ZNF282: variants seen among roughly 807,000 people sequenced by gnomAD.
The protein encoded by ZNF282 is zinc finger protein 282, also known as HTLV-I U5 repressive element-binding protein 1.
Under a neutral mutation model 61.9 loss-of-function variants are expected in ZNF282, and 30 were observed. The ratio of observed to expected loss-of-function variants is 0.48; its 90% CI spans 0.36 to 0.66. The LOEUF is 0.66. Among genes scored for constraint, ZNF282 ranks in the 30% least tolerant of loss-of-function variants. The pLI is 0.00. For synonymous variants in ZNF282, 396 were observed against 405.0 expected, an observed-to-expected ratio of 0.98 and a Z score of 0.27; for missense variants, 788 against 941.4, an observed-to-expected ratio of 0.84 and a Z score of 2.13.
chr7:149,199,417 A>T (rs1038547693), intron 2 of ZNF282, among the ~76,000 whole-genome samples: 1 of 150,452 alleles, frequency 6.6e-6, no homozygotes, highest in South Asian at 2.1e-4. Context: ...CCAGGAGGTC[A>T]CCCCCAGCGT....
rs536704960 is a variant in ZNF282 at position 149,197,673 on chromosome 7, A to G, written c.166-660A>G. Among the ~76,000 whole-genome samples the G allele has an allele frequency of 2.0e-5, 3 of 152,314 alleles. No individual in the cohort carries two copies. The East Asian group carries it at 5.8e-4, about 29-fold the overall frequency. On this transcript the variant is annotated intron_variant, in intron 1 of 7. Transcript: ENST00000610704. ...TTTTTAGTAGAGACAGGGTTTCGCC[A>G]TGTTGGCCAGGCTGGTCTTGAACTC...
intron 7 of ZNF282, among the ~76,000 whole-genome samples, chr7:149,222,238 T>G (rs577341096): frequency 2.5e-3 from 374 of 152,284 alleles, no homozygotes; most frequent in Non-Finnish European, 4.1e-3. Flanking sequence ...GGGTGGCCAC[T>G]GCCACGAGTG....
At chr7:149,207,953 G>A (rs761351939) in intron 4 of ZNF282, among the ~76,000 whole-genome samples, 9 of 152,222 alleles carry the variant, frequency 5.9e-5, no homozygotes, top group Non-Finnish European at 1.3e-4. Context: ...ACTCAAGAAG[G>A]AATCTTAAGC....
At position 149,224,151 on chromosome 7, in the gene ZNF282, G is replaced by T. The variant is rs767915527; in HGVS notation, c.1520G>T (p.Ser507Ile). Residue 507 changes from serine (S) to isoleucine (I), a missense_variant, in exon 8 of 8, where the codon AGC (serine) becomes ATC (isoleucine). Physicochemically the swap from Ser to Ile is moderately radical, Grantham distance 142. Around this residue, in one of 3 missense-constraint regions of ZNF282, gnomAD observed 559 missense variants for 642.0 expected, o/e 0.87. Coordinates refer to ENST00000610704, the MANE Select transcript of ZNF282 (RefSeq NM_003575.4). ...TGCTGCCCTGGCGGGCTGCGGCGGAGCCTCCTCCTGCACGGCGCCCGCAGC... is the reference window on the plus strand; with the variant it reads ...TGCTGCCCTGGCGGGCTGCGGCGGATCCTCCTCCTGCACGGCGCCCGCAGC... ...GSCCPGGLRR[S>I]LLLHGARSKP... 2 of 1,536,978 alleles carry T rather than the reference G, an allele frequency of 1.3e-6. No homozygotes were observed. The highest frequency in any genetic ancestry group is 1.7e-6 in the Non-Finnish European group (2 of 1,147,844).
intron 2 of ZNF282, among the ~76,000 whole-genome samples, chr7:149,204,002 T>C (rs113456984): frequency 0.064 from 9,757 of 152,130 alleles, 360 homozygotes; most frequent in African/African-American, 0.078. Flanking sequence ...GCAGCTTAGG[T>C]GAGTGGGTCT....
At chr7:149,202,335 G>A (rs1225543858) in intron 2 of ZNF282, among the ~76,000 whole-genome samples, 2 of 147,830 alleles carry the variant, frequency 1.4e-5, no homozygotes, top group Non-Finnish European at 3.0e-5. Flanking sequence ...TTTTTGAGAC[G>A]GAGTCTTGCT....
At chr7:149,200,890 C>T (rs1239824058) in intron 2 of ZNF282, among the ~76,000 whole-genome samples, 1 of 152,200 alleles carries the variant, frequency 6.6e-6, no homozygotes, top group Admixed American at 6.5e-5. Flanking sequence ...AGCCACCACG[C>T]CCAGCTAGTC....
At chr7:149,217,274 G>A (rs1443234378) in intron 7 of ZNF282, among the ~76,000 whole-genome samples, 2 of 152,160 alleles carry the variant, frequency 1.3e-5, no homozygotes, top group Admixed American at 6.5e-5. Flanking sequence ...TGGTAGCTCA[G>A]GCCTGTAATC....
At chr7:149,206,553 C>T in intron 2 of ZNF282, 143 bp from the exon 3 acceptor site, 1 of 1,210,968 alleles carries the variant, frequency 8.3e-7, no homozygotes, top group Non-Finnish European at 1.2e-6. Context: ...ACTGACTCCA[C>T]TGAGATGGAC....
chr7:149,220,649 C>T (rs1162896118), intron 7 of ZNF282, among the ~76,000 whole-genome samples: 2 of 152,086 alleles, frequency 1.3e-5, no homozygotes, highest in African/African-American at 4.8e-5. Context: ...CCCATCTTTT[C>T]CTGCACACTC....
In ZNF282 at chr7:149,223,880, CCGCAGCCGCAGCTGCAGT is replaced by C; in HGVS notation, c.1257_1274del (p.Leu421_Gln426del). On this transcript the variant is annotated inframe_deletion, in exon 8 of 8. Transcript: ENST00000610704. ...ACAGCCCCAGCCCCAGCCCCAGCCA[CCGCAGCCGCAGCTGCAGT>C]CGCAGCCCCAGCCCCAGAGCCTGCC... 36 of 1,435,890 alleles carry C rather than the reference CCGCAGCCGCAGCTGCAGT, an allele frequency of 2.5e-5. No homozygotes were observed. Among genetic ancestry groups the C allele is most frequent in the Non-Finnish European group, 3.2e-5 (35 of 1,100,352 alleles). 88.9% of individuals were successfully genotyped at this position (1,435,890 alleles called of 1,614,324 possible). A position where few individuals can be genotyped will look rare whatever the true frequency, so the allele number is the denominator to read the frequency against.
Position 149,224,304 on chromosome 7 carries a change from A to C in ZNF282, c.1673A>C (p.His558Pro). Residue 558 changes from histidine (H) to proline (P), a missense_variant, in exon 8 of 8, where the codon CAC becomes CCC. Physicochemically the swap from His to Pro is moderately conservative, Grantham distance 77. Around this residue, in one of 3 missense-constraint regions of ZNF282, gnomAD observed 559 missense variants for 642.0 expected, o/e 0.87. Transcript: ENST00000610704. ...CAECEKSFNC[H>P]SGLIRHQMTH... is the part of the protein sequence containing the mutation. ...GAGTGCGAGAAGAGCTTCAACTGCC[A>C]CTCGGGCCTCATCCGCCACCAGATG... 1 of 1,613,288 alleles carries C rather than the reference A, an allele frequency of 6.2e-7. No homozygotes were observed. Among genetic ancestry groups the C allele is most frequent in the Non-Finnish European group, 8.5e-7 (1 of 1,179,870 alleles).
chr7:149,208,247 C>T (rs998471584), intron 4 of ZNF282, among the ~76,000 whole-genome samples: 1 of 152,078 alleles, frequency 6.6e-6, no homozygotes, highest in Non-Finnish European at 1.5e-5. Context: ...TGGAATGCAG[C>T]GGTGCAATCT....
intron 2 of ZNF282, among the ~76,000 whole-genome samples, chr7:149,206,393 C>A (rs77428124): frequency 1.5e-3 from 233 of 152,278 alleles, no homozygotes; most frequent in African/African-American, 5.2e-3. Context: ...ACCCTGAATA[C>A]CAAAAGAAGC....
chr7:149,209,799 A>T (rs1330925600), intron 4 of ZNF282, among the ~76,000 whole-genome samples: 2 of 152,136 alleles, frequency 1.3e-5, no homozygotes, highest in Non-Finnish European at 2.9e-5. Flanking sequence ...TGTTTGTTGC[A>T]TGCTGGGCTT....
intron 6 of ZNF282, among the ~76,000 whole-genome samples, chr7:149,212,689 T>C (rs1394809668): frequency 6.6e-6 from 1 of 152,194 alleles, no homozygotes; most frequent in Non-Finnish European, 1.5e-5. Flanking sequence ...TAAGCGATTC[T>C]CCTGCCTCAG....
Position 149,195,765 on chromosome 7 carries a change from C to T in ZNF282, c.165+11C>T. 2 of 1,485,150 alleles carry T rather than the reference C, an allele frequency of 1.3e-6. No homozygotes were observed. Among genetic ancestry groups the T allele is most frequent in the Non-Finnish European group, 1.8e-6 (2 of 1,121,382 alleles). 92.0% of individuals were successfully genotyped at this position (1,485,150 alleles called of 1,614,324 possible). ...ATGCCGCCCATGCAGGTGGGAGAAC[C>T]CCGCCGGCGCCATGGCCGCGCTGCC... On this transcript the variant is annotated intron_variant, in intron 1 of 7. Transcript: ENST00000610704.
chr7:149,197,299 C>T (rs1305494485), intron 1 of ZNF282, among the ~76,000 whole-genome samples: 1 of 152,224 alleles, frequency 6.6e-6, no homozygotes, highest in Non-Finnish European at 1.5e-5. Flanking sequence ...GTGTGAGGGA[C>T]ATCCCCTCTT....
intron 7 of ZNF282, among the ~76,000 whole-genome samples, chr7:149,220,275 C>T (rs1585575750): frequency 6.6e-6 from 1 of 150,876 alleles, no homozygotes; most frequent in Admixed American, 6.6e-5. Context: ...CTGGCGTAGT[C>T]GTGGTGGGCG....
Sources: allele counts gnomAD v4.1 joint callset (sites outside exome capture counted in the v4.1 genomes callset), GRCh38; gene constraint gnomAD v4.1.1; regional missense constraint gnomAD v4.1.1; transcripts MANE v1.5; gene names NCBI Gene and HGNC (gene_info 2026-07-23, HGNC 2026-07-21).